Variants in NEGR1 observed in about 807,000 individuals in gnomAD.
The protein encoded by NEGR1 is IgLON family member 4.
Under a neutral mutation model 40.9 loss-of-function variants are expected in NEGR1, and 10 were observed. The observed-to-expected ratio is 0.24, with a 90% CI of 0.15 to 0.42. The LOEUF is 0.42. Among genes scored for constraint, NEGR1 ranks in the 10% least tolerant of loss-of-function variants. NEGR1 has a pLI of 1.00. For missense variants in NEGR1, 352 were observed against 438.9 expected (o/e 0.80, Z 1.77); for synonymous variants, 185 against 166.8 (o/e 1.11, Z -0.84).
At chr1:71,484,634 T>C (rs1569931328) in intron 6 of NEGR1, among the ~76,000 whole-genome samples, 1 of 151,822 alleles carries the variant, frequency 6.6e-6, no homozygotes, top group Non-Finnish European at 1.5e-5. Context: ...GACAATAATT[T>C]ATTGCTGAAT....
chr1:71,544,338 C>G (rs760915393), intron 6 of NEGR1, among the ~76,000 whole-genome samples: 107 of 151,738 alleles, frequency 7.1e-4, no homozygotes, highest in Non-Finnish European at 1.5e-3. Flanking sequence ...GGAACAGGTA[C>G]TGTCATTTAC....
chr1:72,263,158 TA>T (rs897846825), intron 1 of NEGR1, among the ~76,000 whole-genome samples: 1 of 151,648 alleles, frequency 6.6e-6, no homozygotes, highest in African/African-American at 2.4e-5. Context: ...TAAATATTAT[TA>T]AAAATAGTTA....
chr1:72,119,656 A>T (rs1230480882), intron 1 of NEGR1, among the ~76,000 whole-genome samples: 1 of 151,914 alleles, frequency 6.6e-6, no homozygotes, highest in East Asian at 1.9e-4. Context: ...CACTCTCCCC[A>T]CATGAGGCAT....
At chr1:72,099,915 A>T (rs1456683378) in intron 1 of NEGR1, among the ~76,000 whole-genome samples, 1 of 151,996 alleles carries the variant, frequency 6.6e-6, no homozygotes, top group African/African-American at 2.4e-5. Flanking sequence ...ACACACACAT[A>T]CACATACATA....
intron 3 of NEGR1, among the ~76,000 whole-genome samples, chr1:71,763,551 T>C (rs903596237): frequency 6.6e-6 from 1 of 152,224 alleles, no homozygotes; most frequent in Non-Finnish European, 1.5e-5. Context: ...TGTTCATCTG[T>C]ACAATGAGTT....
chr1:71,668,365 G>A (rs1465285313), intron 4 of NEGR1, among the ~76,000 whole-genome samples: 3 of 152,190 alleles, frequency 2.0e-5, no homozygotes, highest in Non-Finnish European at 4.4e-5. Flanking sequence ...GCAATTGAGA[G>A]CTAGAATGTC....
chr1:72,157,311 C>T (rs918327942), intron 1 of NEGR1, among the ~76,000 whole-genome samples: 7 of 152,124 alleles, frequency 4.6e-5, no homozygotes, highest in Admixed American at 3.9e-4. Context: ...GAGATTAATA[C>T]AAATGCTTCA....
intron 2 of NEGR1, among the ~76,000 whole-genome samples, chr1:71,784,744 C>A (rs1656849532): frequency 6.6e-6 from 1 of 152,152 alleles, no homozygotes; most frequent in African/African-American, 2.4e-5. Flanking sequence ...AACAATTTGC[C>A]AGTTAGATTT....
At chr1:71,866,500 A>G (rs1055911684) in intron 2 of NEGR1, among the ~76,000 whole-genome samples, 1 of 152,220 alleles carries the variant, frequency 6.6e-6, no homozygotes, top group Non-Finnish European at 1.5e-5. Context: ...TGAATAATGT[A>G]AACTGTACTT....
chr1:71,605,267 T>C (rs1650043848), intron 5 of NEGR1, among the ~76,000 whole-genome samples: 1 of 152,162 alleles, frequency 6.6e-6, no homozygotes, highest in East Asian at 1.9e-4. Context: ...ATGTATACAT[T>C]GTGAAATGAC....
chr1:71,442,132 C>A, intron 6 of NEGR1, among the ~76,000 whole-genome samples: 1 of 150,090 alleles, frequency 6.7e-6, no homozygotes, highest in Non-Finnish European at 1.5e-5. Flanking sequence ...TGAAAAAAAA[C>A]CTCTCTATAA....
intron 3 of NEGR1, among the ~76,000 whole-genome samples, chr1:71,772,451 GTCAATGT>G (rs1656363041): frequency 6.6e-6 from 1 of 151,422 alleles, no homozygotes; most frequent in African/African-American, 2.4e-5. Flanking sequence ...GAAAAAAAAT[GTCAATGT>G]TCAGTAATGA....
In NEGR1 at chr1:72,079,494, T is replaced by A. The variant is rs558284154; in HGVS notation, c.177-144183A>T. On this transcript the variant is annotated intron_variant, in intron 1 of 6. Transcript: ENST00000357731. ...AGTATTAGATATTAGAATAAATCAGTCCTATTTAACAATCTTAGTACAAAA... is the reference window on the plus strand; with the variant it reads ...AGTATTAGATATTAGAATAAATCAGACCTATTTAACAATCTTAGTACAAAA... Among the ~76,000 whole-genome samples the A allele has an allele frequency of 3.9e-5, 6 of 152,162 alleles. No individual in the cohort carries two copies. The East Asian group carries it at 1.2e-3, about 29-fold the overall frequency.
intron 3 of NEGR1, among the ~76,000 whole-genome samples, chr1:71,719,822 C>T (rs1428938372): frequency 6.6e-6 from 1 of 151,998 alleles, no homozygotes; most frequent in East Asian, 1.9e-4. Flanking sequence ...TTCTCCTCCC[C>T]GTGTCCATGT....
chr1:71,795,888 T>A (rs1158304178), intron 2 of NEGR1, among the ~76,000 whole-genome samples: 1 of 152,180 alleles, frequency 6.6e-6, no homozygotes, highest in Admixed American at 6.6e-5. Flanking sequence ...TTGTTTAAAA[T>A]ATACTGTGAA....
chr1:71,977,309 G>C (rs1646313824), intron 1 of NEGR1, among the ~76,000 whole-genome samples: 2 of 148,168 alleles, frequency 1.3e-5, no homozygotes, highest in South Asian at 2.2e-4. Context: ...CTGGACGATA[G>C]AGCAAGACTC....
intron 2 of NEGR1, among the ~76,000 whole-genome samples, chr1:71,900,505 C>T (rs1325095489): frequency 9.2e-5 from 14 of 152,212 alleles, no homozygotes; most frequent in Admixed American, 8.5e-4. Flanking sequence ...AGTTCATTTT[C>T]ATTTAATAAT....
At chr1:71,472,750 C>T (rs878938228) in intron 6 of NEGR1, 1 of 152,144 alleles carries the variant, frequency 6.6e-6, no homozygotes, top group Non-Finnish European at 1.5e-5. Context: ...TTTATATTCT[C>T]TCAGTGAGAA....
chr1:71,405,376 T>C lies in NEGR1; in HGVS notation c.*2070A>G, dbSNP rs570754620. 2.6e-5 allele frequency: 4 copies of C among 152,434 alleles called. No individual in the cohort carries two copies. Among genetic ancestry groups the C allele is most frequent in the African/African-American group, 9.6e-5 (4 of 41,566 alleles). The allele number at this position is 152,434 out of a possible 1,614,324, so 9.4% of individuals were successfully genotyped here. On this transcript the variant is annotated 3_prime_UTR_variant, in exon 7 of 7. Transcript: ENST00000357731. ...TGGTAGCACCACTATTTCTAGTAAG[T>C]AGATTATTATGGAGTGTGCCACTTT...
Sources: allele counts gnomAD v4.1 joint callset (sites outside exome capture counted in the v4.1 genomes callset), GRCh38; gene constraint gnomAD v4.1.1; transcripts MANE v1.5; gene names NCBI Gene and HGNC (gene_info 2026-07-23, HGNC 2026-07-21).